Variants in KLF12 observed in about 807,000 individuals in gnomAD.
KLF12 encodes KLF transcription factor 12, also known as Krueppel-like factor 12.
Under a neutral mutation model 37.8 loss-of-function variants are expected in KLF12, and 9 were observed. The observed-to-expected ratio is 0.24, with a 90% CI of 0.14 to 0.42. The LOEUF is 0.42. KLF12 is among the 10% of genes least tolerant of loss of function. The pLI, the probability that KLF12 is intolerant of heterozygous loss-of-function variation, is 1.00. For synonymous variants in KLF12, 208 were observed against 202.1 expected (o/e 1.03, Z -0.25); for missense variants, 411 against 516.0 (o/e 0.80, Z 1.97).
At chr13:74,145,689 T>G in the KLF12 span, among the ~76,000 whole-genome samples, 18 of 152,202 alleles carry the variant, frequency 1.2e-4, no homozygotes, top group Admixed American at 1.2e-3. Flanking sequence ...TAACATGTAA[T>G]CAAGCAGCAA....
At chr13:73,933,358 G>C (rs1326767051) in intron 3 of KLF12, among the ~76,000 whole-genome samples, 1 of 152,100 alleles carries the variant, frequency 6.6e-6, no homozygotes, top group African/African-American at 2.4e-5. Flanking sequence ...TATGTTCCAG[G>C]AAGAAAGTTT....
At chr13:73,885,702 G>A (rs1010513931) in intron 3 of KLF12, among the ~76,000 whole-genome samples, 1 of 152,140 alleles carries the variant, frequency 6.6e-6, no homozygotes, top group Non-Finnish European at 1.5e-5. Context: ...TATAAATGAA[G>A]AATAGCGCTA....
chr13:73,932,378 T>C (rs1889725168), intron 3 of KLF12, among the ~76,000 whole-genome samples: 1 of 152,198 alleles, frequency 6.6e-6, no homozygotes, highest in Non-Finnish European at 1.5e-5. Flanking sequence ...ACAGATATGA[T>C]CACCTAGTAA....
intron 1 of KLF12, among the ~76,000 whole-genome samples, chr13:74,074,159 A>AGT (rs547749105): frequency 2.4e-4 from 37 of 151,702 alleles, no homozygotes; most frequent in African/African-American, 4.1e-4. Context: ...AGAGAGAGAG[A>AGT]GTGTGTGTGT....
intron 1 of KLF12, among the ~76,000 whole-genome samples, chr13:73,996,649 A>G (rs1369956703): frequency 6.6e-6 from 1 of 152,200 alleles, no homozygotes; most frequent in Non-Finnish European, 1.5e-5. Flanking sequence ...ATTACGAATC[A>G]CACATAAACA....
the KLF12 span, among the ~76,000 whole-genome samples, chr13:74,273,271 T>G: frequency 3.9e-5 from 6 of 152,290 alleles, no homozygotes; most frequent in South Asian, 1.2e-3. Flanking sequence ...TATGAAAATG[T>G]GATTCTTTAA....
At chr13:73,994,368 A>C (rs765538443) in intron 2 of KLF12, among the ~76,000 whole-genome samples, 4 of 152,144 alleles carry the variant, frequency 2.6e-5, no homozygotes, top group Non-Finnish European at 4.4e-5. Context: ...AGTGTCACCT[A>C]TGATTTTTAC....
At chr13:73,738,130 C>CATATATGTATGTGT (rs1566331437) in intron 6 of KLF12, among the ~76,000 whole-genome samples, 1 of 80,078 alleles carries the variant, frequency 1.2e-5, no homozygotes, top group African/African-American at 5.4e-5. Context: ...TATATACACA[C>CATATATGTATGTGT]ACACACATAT....
At chr13:73,955,481 A>C (rs1036103524) in intron 2 of KLF12, among the ~76,000 whole-genome samples, 3 of 152,218 alleles carry the variant, frequency 2.0e-5, no homozygotes, top group Non-Finnish European at 4.4e-5. Flanking sequence ...TCTGTTTAAA[A>C]CTGTGACGAT....
intron 1 of KLF12, among the ~76,000 whole-genome samples, chr13:74,051,241 G>T (rs553470032): frequency 6.6e-6 from 1 of 152,106 alleles, no homozygotes; most frequent in African/African-American, 2.4e-5. Context: ...GCACTCCCAT[G>T]TTTATTGCAG....
intron 3 of KLF12, among the ~76,000 whole-genome samples, chr13:73,886,118 A>G (rs1381812371): frequency 6.6e-6 from 1 of 152,184 alleles, no homozygotes; most frequent in Non-Finnish European, 1.5e-5. Context: ...CCAAGAAGGG[A>G]CAAAGGTCAC....
At chr13:74,262,364 GC>G in the KLF12 span, among the ~76,000 whole-genome samples, 10 of 152,148 alleles carry the variant, frequency 6.6e-5, no homozygotes, top group Admixed American at 4.6e-4. Context: ...TTTGAAGAAA[GC>G]ACAAGAGCGA....
the KLF12 span, among the ~76,000 whole-genome samples, chr13:74,251,397 T>G: frequency 2.6e-5 from 4 of 152,122 alleles, no homozygotes; most frequent in Non-Finnish European, 5.9e-5. Flanking sequence ...CCGCCCACCT[T>G]GGCCTCCCAA....
chr13:73,865,065 C>CA (rs1327814026), intron 3 of KLF12, among the ~76,000 whole-genome samples: 1 of 151,844 alleles, frequency 6.6e-6, no homozygotes, highest in Non-Finnish European at 1.5e-5. Flanking sequence ...TTCCACTAAA[C>CA]AAAAAAGGAG....
At chr13:73,960,362 T>A (rs746241241) in intron 2 of KLF12, 13 of 294,162 alleles carry the variant, frequency 4.4e-5, no homozygotes, top group Non-Finnish European at 8.5e-5. Flanking sequence ...TGGAGTGAGA[T>A]TTTTCACTTG....
intron 3 of KLF12, among the ~76,000 whole-genome samples, chr13:73,867,932 A>T (rs1008762224): frequency 1.4e-4 from 21 of 151,478 alleles, no homozygotes; most frequent in African/African-American, 5.1e-4. Flanking sequence ...GAGGCAGGAG[A>T]ATCGCTTGAA....
chr13:73,708,516 T>TA (rs761342994), intron 7 of KLF12, among the ~76,000 whole-genome samples: 6 of 152,192 alleles, frequency 3.9e-5, no homozygotes, highest in African/African-American at 7.2e-5. Flanking sequence ...TACATACTGT[T>TA]AGAGTTCTAG....
intron 2 of KLF12, among the ~76,000 whole-genome samples, chr13:73,994,040 T>C (rs1465876625): frequency 1.3e-5 from 2 of 152,192 alleles, no homozygotes; most frequent in East Asian, 3.8e-4. Flanking sequence ...TGAATCAATA[T>C]GCCTCCACAG....
At chr13:74,194,964 C>T in the KLF12 span, among the ~76,000 whole-genome samples, 3 of 152,124 alleles carry the variant, frequency 2.0e-5, no homozygotes, top group Non-Finnish European at 4.4e-5. Context: ...GGACTCACTT[C>T]CTTTGAAGAG....
Sources: gnomAD v4.1 joint callset for allele counts (sites outside exome capture counted in the v4.1 genomes callset) on GRCh38, gnomAD v4.1.1 for gene constraint, MANE v1.5 for transcripts, NCBI Gene and HGNC (gene_info 2026-07-23, HGNC 2026-07-21) for gene names.